The following KCNH8 variants were observed in gnomAD, a reference collection of about 807,000 sequenced individuals.
KCNH8 encodes voltage-gated delayed rectifier potassium channel KCNH8.
Under a neutral mutation model 103.6 loss-of-function variants are expected in KCNH8, and 70 were observed. The ratio of observed to expected loss-of-function variants is 0.68; its 90% CI spans 0.56 to 0.82. The LOEUF (loss-of-function observed/expected upper bound fraction) is 0.82. KCNH8 is among the 40% of genes least tolerant of loss of function. The probability of loss-of-function intolerance (pLI) is 0.00; values close to 1 mark genes in which losing one functional copy is unlikely to be tolerated. For missense variants in KCNH8, 1,217 were observed against 1,329.9 expected (o/e 0.92, Z 1.32); for synonymous variants, 498 against 489.4 (o/e 1.02, Z -0.23).
intron 3 of KCNH8, among the ~76,000 whole-genome samples, chr3:19,285,681 A>G (rs1486496343): frequency 6.6e-5 from 10 of 151,810 alleles, no homozygotes; most frequent in Non-Finnish European, 1.2e-4. Context: ...AATTTAAATG[A>G]CTTGACAAAG....
At chr3:19,386,149 G>T (rs574954307) in intron 5 of KCNH8, among the ~76,000 whole-genome samples, 1 of 152,014 alleles carries the variant, frequency 6.6e-6, no homozygotes, top group Admixed American at 6.6e-5. Context: ...TTTTTAGTCC[G>T]CATAAATAGA....
rs922544494 is a variant in KCNH8 at position 19,239,098 on chromosome 3, A to G, written c.77-14556A>G. Among the ~76,000 whole-genome samples the G allele has an allele frequency of 2.0e-4, 30 of 152,230 alleles. 1 individual carries two copies. The highest frequency in any genetic ancestry group is 1.6e-3 in the Admixed American group (25 of 15,286). Reference sequence around the variant, plus strand: ...ATGATACTGTGTGTTTCAGTTAGGAATGCTTTCAGCCTAAAATACAAGAGA... The same window carrying G: ...ATGATACTGTGTGTTTCAGTTAGGAGTGCTTTCAGCCTAAAATACAAGAGA... On this transcript the variant is annotated intron_variant, in intron 1 of 15. Coordinates refer to ENST00000328405, the MANE Select transcript of KCNH8 (RefSeq NM_144633.3).
At chr3:19,295,529 A>G (rs1284071463) in intron 3 of KCNH8, among the ~76,000 whole-genome samples, 1 of 152,184 alleles carries the variant, frequency 6.6e-6, no homozygotes, top group Non-Finnish European at 1.5e-5. Flanking sequence ...TTACCTAGAC[A>G]TTGGTATTAA....
At chr3:19,494,274 T>A (rs534764805) in intron 11 of KCNH8, among the ~76,000 whole-genome samples, 4 of 152,198 alleles carry the variant, frequency 2.6e-5, no homozygotes, top group Admixed American at 1.3e-4. Flanking sequence ...GTAGCTCCCA[T>A]AATTCCCATG....
chr3:19,442,273 A>G (rs1488103509), intron 8 of KCNH8, among the ~76,000 whole-genome samples: 3 of 152,236 alleles, frequency 2.0e-5, no homozygotes, highest in Non-Finnish European at 4.4e-5. Flanking sequence ...CAAAATCACA[A>G]GCATTTTGCA....
At chr3:19,308,581 CT>C (rs1426479186) in intron 3 of KCNH8, among the ~76,000 whole-genome samples, 1 of 150,554 alleles carries the variant, frequency 6.6e-6, no homozygotes, top group African/African-American at 2.4e-5. Flanking sequence ...TGTTCAAATA[CT>C]AAAAGTTACC....
At chr3:19,237,275 G>T (rs993481829) in intron 1 of KCNH8, among the ~76,000 whole-genome samples, 1 of 152,178 alleles carries the variant, frequency 6.6e-6, no homozygotes, top group Admixed American at 6.5e-5. Context: ...CATGGCCTCT[G>T]TGGGAATTAG....
intron 1 of KCNH8, among the ~76,000 whole-genome samples, chr3:19,168,972 C>A (rs946933846): frequency 2.0e-5 from 3 of 152,170 alleles, no homozygotes. Flanking sequence ...ATCCCTCCGC[C>A]AACAGGAGCA....
At chr3:19,262,554 G>A (rs1259717161) in intron 2 of KCNH8, among the ~76,000 whole-genome samples, 2 of 151,938 alleles carry the variant, frequency 1.3e-5, no homozygotes, top group Admixed American at 6.6e-5. Context: ...TTGGCTGTTA[G>A]GTAATGGGCT....
chr3:19,526,586 TCTAA>T (rs960784397), intron 15 of KCNH8, among the ~76,000 whole-genome samples: 2 of 151,882 alleles, frequency 1.3e-5, no homozygotes, highest in African/African-American at 4.8e-5. Flanking sequence ...AAACACACAA[TCTAA>T]CTGTGGACAC....
intron 5 of KCNH8, among the ~76,000 whole-genome samples, chr3:19,386,710 G>A (rs768935551): frequency 1.3e-4 from 20 of 151,996 alleles, no homozygotes; most frequent in African/African-American, 1.9e-4. Flanking sequence ...ATTTTTCAAC[G>A]TAAGGCTGAA....
chr3:19,226,623 GCA>G lies in KCNH8; in HGVS notation c.77-27011_77-27010del, dbSNP rs146546353. On this transcript the variant is annotated intron_variant, in intron 1 of 15. Transcript: ENST00000328405. ...CTCTGTCACACACACACACATGCAT[GCA>G]CACACACACACACACACACGGGAAA... 1.5e-3 allele frequency among the ~76,000 whole-genome samples: 220 copies of G among 145,062 alleles called. 1 individual carries two copies. The highest frequency in any genetic ancestry group is 2.4e-3 in the African/African-American group (96 of 39,582).
chr3:19,503,118 G>A (rs1353009952), intron 11 of KCNH8, among the ~76,000 whole-genome samples: 12 of 150,764 alleles, frequency 8.0e-5, no homozygotes, highest in African/African-American at 2.4e-4. Context: ...GTGGGCAAAG[G>A]ACATGAACAG....
At chr3:19,184,995 A>G (rs1412865242) in intron 1 of KCNH8, among the ~76,000 whole-genome samples, 1 of 151,876 alleles carries the variant, frequency 6.6e-6, no homozygotes, top group Non-Finnish European at 1.5e-5. Flanking sequence ...CATTATATAG[A>G]TATACCATAC....
chr3:19,396,763 T>C (rs1353578628), intron 7 of KCNH8, among the ~76,000 whole-genome samples: 1 of 152,030 alleles, frequency 6.6e-6, no homozygotes, highest in Non-Finnish European at 1.5e-5. Flanking sequence ...TTCTTCTCCA[T>C]AACTTTGTCT....
intron 3 of KCNH8, among the ~76,000 whole-genome samples, chr3:19,331,543 G>C (rs778708004): frequency 6.6e-6 from 1 of 151,836 alleles, no homozygotes; most frequent in African/African-American, 2.4e-5. Flanking sequence ...TGCCCGCCTC[G>C]GCCTCCCAAA....
At chr3:19,457,734 C>G (rs140952781) in intron 11 of KCNH8, among the ~76,000 whole-genome samples, 21 of 152,036 alleles carry the variant, frequency 1.4e-4, no homozygotes, top group African/African-American at 4.6e-4. Context: ...ATTTGTAACT[C>G]TTGATTTTTT....
chr3:19,221,757 T>C (rs192447734), intron 1 of KCNH8, among the ~76,000 whole-genome samples: 1 of 152,300 alleles, frequency 6.6e-6, no homozygotes, highest in East Asian at 1.9e-4. Context: ...ATTTCACTGC[T>C]CTCAACAACT....
At chr3:19,514,381 T>G (rs1043622636) in intron 13 of KCNH8, among the ~76,000 whole-genome samples, 10 of 152,126 alleles carry the variant, frequency 6.6e-5, no homozygotes, top group African/African-American at 2.4e-4. Context: ...TGCTTAACTC[T>G]TCTTCCTAAG....
Sources: gnomAD v4.1 joint callset for allele counts (sites outside exome capture counted in the v4.1 genomes callset) on GRCh38, gnomAD v4.1.1 for gene constraint, MANE v1.5 for transcripts, NCBI Gene and HGNC (gene_info 2026-07-23, HGNC 2026-07-21) for gene names.